GNAQ: variants seen among roughly 807,000 people sequenced by gnomAD.
The protein encoded by GNAQ is G protein subunit alpha q, also known as guanine nucleotide-binding protein G(q) subunit alpha.
In GNAQ, 8 loss-of-function variants were observed where a neutral mutation model predicts 43.9. The observed-to-expected ratio is 0.18, with a 90% CI of 0.11 to 0.33. GNAQ has a LOEUF of 0.33. Among genes scored for constraint, GNAQ ranks in the 10% least tolerant of loss-of-function variants. GNAQ has a pLI of 1.00. For missense variants in GNAQ, 158 were observed against 450.8 expected (o/e 0.35, Z 5.88); for synonymous variants, 155 against 170.7 (o/e 0.91, Z 0.71).
At chr9:77,768,448 T>G (rs1826168188) in intron 5 of GNAQ, among the ~76,000 whole-genome samples, 1 of 152,166 alleles carries the variant, frequency 6.6e-6, no homozygotes, top group African/African-American at 2.4e-5. Flanking sequence ...CAGGAATGTC[T>G]CCACCTAAGC....
At chr9:77,975,536 C>CT (rs34636918) in intron 1 of GNAQ, among the ~76,000 whole-genome samples, 1,953 of 115,270 alleles carry the variant, frequency 0.017, 12 homozygotes, top group East Asian at 0.048. Context: ...TCAGCCCCCC[C>CT]TTTTTTTTTT....
At chr9:77,751,810 AC>A (rs1825816951) in intron 5 of GNAQ, among the ~76,000 whole-genome samples, 1 of 152,102 alleles carries the variant, frequency 6.6e-6, no homozygotes, top group African/African-American at 2.4e-5. Context: ...AAACAAACAA[AC>A]AAACAAAAAA....
chr9:77,730,442 T>C (rs1158991601), intron 5 of GNAQ, among the ~76,000 whole-genome samples: 1 of 152,228 alleles, frequency 6.6e-6, no homozygotes, highest in African/African-American at 2.4e-5. Flanking sequence ...TTTTACCAAG[T>C]ACAATAATCT....
intron 5 of GNAQ, among the ~76,000 whole-genome samples, chr9:77,736,391 T>C (rs1015592188): frequency 6.6e-6 from 1 of 152,196 alleles, no homozygotes. Context: ...ACAGCCGGGA[T>C]AGAAATAAGA....
chr9:77,977,666 A>T (rs1241112264), intron 1 of GNAQ, among the ~76,000 whole-genome samples: 2 of 152,184 alleles, frequency 1.3e-5, no homozygotes, highest in Non-Finnish European at 2.9e-5. Flanking sequence ...GGGTTCTGCA[A>T]CCCTGGAGCA....
chr9:77,761,701 C>T (rs1346548742), intron 5 of GNAQ, among the ~76,000 whole-genome samples: 3 of 72,422 alleles, frequency 4.1e-5, no homozygotes, highest in African/African-American at 6.5e-5. Flanking sequence ...CCCGGCCAGC[C>T]GACCCGTCTG....
intron 5 of GNAQ, among the ~76,000 whole-genome samples, chr9:77,766,434 T>A (rs1255104250): frequency 6.6e-6 from 1 of 152,228 alleles, no homozygotes; most frequent in Non-Finnish European, 1.5e-5. Flanking sequence ...ATGGGGAATA[T>A]GTACTTTTAA....
At chr9:77,889,140 C>T (rs2118100098) in intron 2 of GNAQ, among the ~76,000 whole-genome samples, 1 of 152,080 alleles carries the variant, frequency 6.6e-6, no homozygotes, top group East Asian at 1.9e-4. Context: ...TGAGGCTGGG[C>T]ATGTTGGCTC....
chr9:77,821,722 T>TGG (rs139820738), intron 2 of GNAQ, among the ~76,000 whole-genome samples: 24,043 of 143,312 alleles, frequency 0.17, 2,219 homozygotes, highest in African/African-American at 0.26. Context: ...TATCCTAGTA[T>TGG]GGGTGTGTGT....
At chr9:77,916,857 G>A (rs1828915696) in intron 2 of GNAQ, among the ~76,000 whole-genome samples, 1 of 152,158 alleles carries the variant, frequency 6.6e-6, no homozygotes, top group African/African-American at 2.4e-5. Context: ...ACATGAAGAA[G>A]CATTGTATCA....
chr9:77,752,002 C>G (rs2118295526), intron 5 of GNAQ, among the ~76,000 whole-genome samples: 1 of 152,310 alleles, frequency 6.6e-6, no homozygotes, highest in Non-Finnish European at 1.5e-5. Context: ...GTGTGATAGA[C>G]TCATCTATCA....
intron 1 of GNAQ, among the ~76,000 whole-genome samples, chr9:77,971,961 T>C (rs951814390): frequency 4.8e-4 from 73 of 152,182 alleles, no homozygotes; most frequent in African/African-American, 1.7e-3. Flanking sequence ...GTTTGTGTGT[T>C]ATTGGTGTAT....
chr9:77,832,957 A>T (rs1165524810), intron 2 of GNAQ, among the ~76,000 whole-genome samples: 1 of 148,308 alleles, frequency 6.7e-6, no homozygotes, highest in African/African-American at 2.6e-5. Flanking sequence ...AAGGCACTTT[A>T]TTTTTTATTT....
intron 1 of GNAQ, among the ~76,000 whole-genome samples, chr9:77,978,507 C>A (rs1207535027): frequency 1.3e-5 from 2 of 152,162 alleles, no homozygotes; most frequent in African/African-American, 4.8e-5. Flanking sequence ...GATTTTAAAA[C>A]CTTGATGATT....
chr9:77,904,107 G>A (rs1828662417), intron 2 of GNAQ, among the ~76,000 whole-genome samples: 1 of 152,062 alleles, frequency 6.6e-6, no homozygotes, highest in Non-Finnish European at 1.5e-5. Flanking sequence ...CAGCCCTTTT[G>A]CCTGGTAGGC....
intron 1 of GNAQ, among the ~76,000 whole-genome samples, chr9:78,004,728 A>G (rs1015206888): frequency 4.8e-4 from 73 of 152,276 alleles, no homozygotes; most frequent in African/African-American, 1.6e-3. Flanking sequence ...TTTGACCACT[A>G]GAGGGATCAG....
chr9:77,820,013 G>A (rs753614098), intron 2 of GNAQ, among the ~76,000 whole-genome samples: 12 of 149,380 alleles, frequency 8.0e-5, no homozygotes, highest in Admixed American at 2.0e-4. Context: ...TTATTTTAGA[G>A]GGATAAATTA....
At chr9:77,965,642 G>A (rs1232021536) in intron 1 of GNAQ, among the ~76,000 whole-genome samples, 1 of 152,074 alleles carries the variant, frequency 6.6e-6, no homozygotes, top group African/African-American at 2.4e-5. Context: ...ACCACAATTA[G>A]ATACTTCACA....
chr9:77,978,260 TCTAA>T (rs1823327482), intron 1 of GNAQ, among the ~76,000 whole-genome samples: 1 of 152,194 alleles, frequency 6.6e-6, no homozygotes, highest in Non-Finnish European at 1.5e-5. Context: ...CTCCCCCGTA[TCTAA>T]CTCATTCACA....
Sources: allele counts gnomAD v4.1 joint callset (sites outside exome capture counted in the v4.1 genomes callset), GRCh38; gene constraint gnomAD v4.1.1; transcripts MANE v1.5; gene names NCBI Gene and HGNC (gene_info 2026-07-23, HGNC 2026-07-21).